The following PAK1 variants were observed in gnomAD, a reference collection of about 807,000 sequenced individuals.
PAK1 encodes the protein serine/threonine-protein kinase PAK 1.
In PAK1, 29 loss-of-function variants were observed where a neutral mutation model predicts 67.4. The ratio of observed to expected loss-of-function variants is 0.43; its 90% confidence interval spans 0.32 to 0.59. The LOEUF (loss-of-function observed/expected upper bound fraction) is 0.59. Ranked by LOEUF, PAK1 falls within the 20% of genes least tolerant of loss-of-function variation. The probability of loss-of-function intolerance (pLI) is 0.07; values close to 1 mark genes in which losing one functional copy is unlikely to be tolerated. For synonymous variants in PAK1, 223 were observed against 237.4 expected, an observed-to-expected ratio of 0.94 and a Z score of 0.56; for missense variants, 337 against 670.7, an observed-to-expected ratio of 0.50 and a Z score of 5.50.
intron 4 of PAK1, among the ~76,000 whole-genome samples, chr11:77,378,382 G>A (rs1049987284): frequency 6.6e-6 from 1 of 152,098 alleles, no homozygotes; most frequent in African/African-American, 2.4e-5. Context: ...CCCTTCTACC[G>A]AGGGTACATC....
intron 1 of PAK1, among the ~76,000 whole-genome samples, chr11:77,456,867 G>A (rs559234919): frequency 1.3e-5 from 2 of 151,832 alleles, no homozygotes; most frequent in South Asian, 2.1e-4. Context: ...TCAGCCTCTC[G>A]AGTACCTGGG....
At chr11:77,480,345 T>C in the PAK1 span, among the ~76,000 whole-genome samples, 1 of 152,128 alleles carries the variant, frequency 6.6e-6, no homozygotes, top group Non-Finnish European at 1.5e-5. Flanking sequence ...TTAGGTAAGC[T>C]TGTGGAGAAG....
intron 1 of PAK1, among the ~76,000 whole-genome samples, chr11:77,413,167 T>C (rs1954737875): frequency 6.6e-6 from 1 of 152,118 alleles, no homozygotes; most frequent in Non-Finnish European, 1.5e-5. Flanking sequence ...GTTTTAGCAG[T>C]GGGAAGGCTT....
chr11:77,394,842 TCAAAAACAAAACAAAACAAAACAAAATA>T (rs1291907650), intron 1 of PAK1, among the ~76,000 whole-genome samples: 2 of 141,296 alleles, frequency 1.4e-5, no homozygotes, highest in Non-Finnish European at 3.3e-5. Context: ...AGACTCTGTC[TCAAAAACAAAACAAAACAAAACAAAATA>T]CCCTTCATTG....
At chr11:77,413,713 A>G (rs1422982610) in intron 1 of PAK1, among the ~76,000 whole-genome samples, 3 of 152,016 alleles carry the variant, frequency 2.0e-5, no homozygotes, top group African/African-American at 4.8e-5. Context: ...AAAGGAAAGA[A>G]AAGGAAGGAA....
chr11:77,497,954 TAC>T, the PAK1 span, among the ~76,000 whole-genome samples: 8 of 152,228 alleles, frequency 5.3e-5, no homozygotes, highest in African/African-American at 1.7e-4. Context: ...AAATACATCC[TAC>T]ATATGTAGTA....
At chr11:77,523,174 G>T in the PAK1 span, among the ~76,000 whole-genome samples, 1 of 152,094 alleles carries the variant, frequency 6.6e-6, no homozygotes, top group Non-Finnish European at 1.5e-5. Flanking sequence ...TCAGCATCAC[G>T]CAATATATCC....
intron 5 of PAK1, among the ~76,000 whole-genome samples, chr11:77,369,444 C>CTTTT (rs147630042): frequency 2.5e-3 from 220 of 86,698 alleles, no homozygotes; most frequent in Non-Finnish European, 3.3e-3. Context: ...TTATACATTT[C>CTTTT]TTTTTTTTTT....
intron 1 of PAK1, among the ~76,000 whole-genome samples, chr11:77,449,626 T>C (rs1256661932): frequency 6.6e-6 from 1 of 151,294 alleles, no homozygotes; most frequent in Non-Finnish European, 1.5e-5. Context: ...AGCATTACAA[T>C]GTTTGTGTTA....
chr11:77,452,077 C>G (rs567828284), intron 1 of PAK1, among the ~76,000 whole-genome samples: 12 of 152,242 alleles, frequency 7.9e-5, no homozygotes, highest in African/African-American at 2.9e-4. Context: ...GTGACTTGCC[C>G]AAAATCACAC....
the PAK1 span, among the ~76,000 whole-genome samples, chr11:77,484,192 T>A: frequency 8.8e-5 from 10 of 113,424 alleles, no homozygotes; most frequent in East Asian, 2.3e-4. Context: ...AAACCATGAG[T>A]AAGCCAAAAA....
chr11:77,365,695 T>C (rs1384999274), intron 5 of PAK1, among the ~76,000 whole-genome samples: 1 of 151,962 alleles, frequency 6.6e-6, no homozygotes, highest in Non-Finnish European at 1.5e-5. Flanking sequence ...TAGCTGGCTG[T>C]GGTGGCATGC....
At chr11:77,494,537 T>C in the PAK1 span, among the ~76,000 whole-genome samples, 1 of 151,558 alleles carries the variant, frequency 6.6e-6, no homozygotes. Flanking sequence ...CCATTTTTTG[T>C]TTCTAAAAGG....
intron 2 of PAK1, among the ~76,000 whole-genome samples, chr11:77,390,461 A>G (rs1377981853): frequency 6.6e-6 from 1 of 152,028 alleles, no homozygotes; most frequent in Non-Finnish European, 1.5e-5. Context: ...TCAGCCTCCC[A>G]AAGTGCTGGG....
chr11:77,424,950 A>C lies in PAK1; in HGVS notation c.-21-32409T>G, dbSNP rs77108461. 3.3e-4 allele frequency among the ~76,000 whole-genome samples: 50 copies of C among 152,350 alleles called. 1 individual carries two copies. The East Asian group carries it at 9.6e-3, about 29-fold the overall frequency. ...AAAGCCTAGCACATACAAAGCTCTC[A>C]ATAATTACATCTACTGAACCCAAAC... On this transcript the variant is annotated intron_variant, in intron 1 of 14. Coordinates refer to ENST00000356341, the MANE Select transcript of PAK1 (RefSeq NM_002576.5).
chr11:77,471,955 G>C (rs1957878434), intron 1 of PAK1, among the ~76,000 whole-genome samples: 1 of 152,156 alleles, frequency 6.6e-6, no homozygotes, highest in Non-Finnish European at 1.5e-5. Context: ...TGTAAAACAG[G>C]TCCAGCAGCC....
intron 1 of PAK1, among the ~76,000 whole-genome samples, chr11:77,427,561 A>G (rs1461973036): frequency 6.6e-6 from 1 of 152,172 alleles, no homozygotes; most frequent in Non-Finnish European, 1.5e-5. Flanking sequence ...TTCAAATGAA[A>G]GCAACAGATT....
At chr11:77,486,817 A>G in the PAK1 span, among the ~76,000 whole-genome samples, 1 of 152,232 alleles carries the variant, frequency 6.6e-6, no homozygotes, top group Non-Finnish European at 1.5e-5. Flanking sequence ...AGCAAGCCTC[A>G]TCATTGTGGG....
At chr11:77,454,888 T>C (rs1185144845) in intron 1 of PAK1, among the ~76,000 whole-genome samples, 2 of 152,192 alleles carry the variant, frequency 1.3e-5, no homozygotes, top group African/African-American at 4.8e-5. Flanking sequence ...GAAATTCTTG[T>C]AGTTCAGGGA....
Sources: allele counts gnomAD v4.1 joint callset (sites outside exome capture counted in the v4.1 genomes callset), GRCh38; gene constraint gnomAD v4.1.1; transcripts MANE v1.5; gene names NCBI Gene and HGNC (gene_info 2026-07-23, HGNC 2026-07-21).